The following UBE3A variants were observed in gnomAD, a reference collection of about 807,000 sequenced individuals.
UBE3A encodes ubiquitin-protein ligase E3A.
A neutral mutation model predicts 83.4 loss-of-function variants in UBE3A; 6 were observed. The observed-to-expected ratio is 0.07, with a 90% CI of 0.04 to 0.14. The LOEUF is 0.14. UBE3A is among the 10% of genes least tolerant of loss of function. The pLI, the probability that UBE3A is intolerant of heterozygous loss-of-function variation, is 1.00. For missense variants in UBE3A, 456 were observed against 1,036.1 expected (o/e 0.44, Z 7.69); for synonymous variants, 337 against 355.4 (o/e 0.95, Z 0.58).
At chr15:25,418,124 T>C (rs1171997697) in intron 1 of UBE3A, 2 of 152,120 alleles carry the variant, frequency 1.3e-5, no homozygotes, top group Non-Finnish European at 2.9e-5. Context: ...AAAGTGTAAG[T>C]ATTTATACAT....
intron 7 of UBE3A, 115 bp downstream of exon 7, chr15:25,360,268 T>TA (rs1595653908): frequency 7.1e-7 from 1 of 1,414,426 alleles, no homozygotes; most frequent in East Asian, 2.4e-5. Flanking sequence ...GGGTAATCCA[T>TA]ACCAAATCCT....
At chr15:25,415,042 A>G (rs2090620061) in intron 1 of UBE3A, among the ~76,000 whole-genome samples, 1 of 152,154 alleles carries the variant, frequency 6.6e-6, no homozygotes, top group African/African-American at 2.4e-5. Context: ...TTCAAACCCT[A>G]ATTTGTCTGA....
rs114179747 is a variant in UBE3A at position 25,388,389 on chromosome 15, T to C, written c.63-12626A>G. Reference sequence around the variant, plus strand: ...AAAAATCACATGACCATACCATAGATGGAGAGAAGTATGTGACAAAATTTA... The same window carrying C: ...AAAAATCACATGACCATACCATAGACGGAGAGAAGTATGTGACAAAATTTA... On this transcript the variant is annotated intron_variant, in intron 4 of 12. Transcript: ENST00000648336. Among the ~76,000 whole-genome samples the C allele has an allele frequency of 7.2e-3, 1,095 of 152,222 alleles. 13 individuals carry two copies. The highest frequency in any genetic ancestry group is 0.025 in the African/African-American group (1,042 of 41,534).
intron 4 of UBE3A, among the ~76,000 whole-genome samples, chr15:25,386,401 T>C (rs140206537): frequency 1.4e-4 from 21 of 152,198 alleles, no homozygotes; most frequent in African/African-American, 4.1e-4. Flanking sequence ...ATTATCAAAC[T>C]TGGAATCTAA....
At chr15:25,422,829 A>AC (rs1358000015) in intron 1 of UBE3A, among the ~76,000 whole-genome samples, 1 of 136,190 alleles carries the variant, frequency 7.3e-6, no homozygotes, top group East Asian at 2.1e-4. Context: ...AAAAAAAAAA[A>AC]CCAACCAACC....
chr15:25,340,639 C>T (rs1392061306), intron 11 of UBE3A, among the ~76,000 whole-genome samples: 1 of 151,948 alleles, frequency 6.6e-6, no homozygotes, highest in Non-Finnish European at 1.5e-5. Flanking sequence ...TTTATTTATC[C>T]TTTCTCCTTT....
intron 1 of UBE3A, among the ~76,000 whole-genome samples, chr15:25,420,965 T>C (rs370855973): frequency 4.6e-5 from 7 of 152,218 alleles, no homozygotes; most frequent in South Asian, 2.1e-4. Context: ...CAATGAAATA[T>C]TACTCAACCT....
chr15:25,348,859 A>G (rs1294529327), intron 11 of UBE3A, among the ~76,000 whole-genome samples: 2 of 152,240 alleles, frequency 1.3e-5, no homozygotes, highest in Non-Finnish European at 2.9e-5. Flanking sequence ...GGAAGAATAT[A>G]TTGTTAAAAT....
chr15:25,427,302 G>GA (rs1268324136), intron 1 of UBE3A, among the ~76,000 whole-genome samples: 1 of 151,852 alleles, frequency 6.6e-6, no homozygotes, highest in Non-Finnish European at 1.5e-5. Context: ...AGTGCAAAAA[G>GA]AAAGACTCTC....
chr15:25,416,644 A>G (rs1886988679), intron 1 of UBE3A, among the ~76,000 whole-genome samples: 1 of 96,618 alleles, frequency 1.0e-5, no homozygotes, highest in Admixed American at 8.9e-5. Flanking sequence ...AAACATTCTA[A>G]AAAAAAAAAA....
chr15:25,367,265 G>GCAAA (rs1271546602), intron 6 of UBE3A, among the ~76,000 whole-genome samples: 17 of 106,890 alleles, frequency 1.6e-4, no homozygotes, highest in Non-Finnish European at 1.7e-4. Context: ...TTGTAAATAT[G>GCAAA]TAAATATTTA....
intron 11 of UBE3A, chr15:25,346,379 A>G (rs528771614): frequency 1.3e-5 from 2 of 152,404 alleles, no homozygotes; most frequent in East Asian, 3.9e-4. Context: ...GCTCACAAAT[A>G]TATGCTAGTA....
At chr15:25,409,644 T>C (rs1423641574) in intron 2 of UBE3A, among the ~76,000 whole-genome samples, 1 of 152,178 alleles carries the variant, frequency 6.6e-6, no homozygotes. Flanking sequence ...GGATGGATTT[T>C]TTTGTTTGTT....
intron 1 of UBE3A, chr15:25,422,091 T>C (rs1169741158): frequency 6.6e-6 from 1 of 152,240 alleles, no homozygotes; most frequent in Non-Finnish European, 1.5e-5. Flanking sequence ...ATAGTCATAT[T>C]GTATTTAAAA....
chr15:25,372,905 A>G (rs2080530990), intron 5 of UBE3A, among the ~76,000 whole-genome samples: 1 of 151,622 alleles, frequency 6.6e-6, no homozygotes, highest in Admixed American at 6.6e-5. Context: ...GCTATAATAT[A>G]TGTTTCACAA....
intron 4 of UBE3A, among the ~76,000 whole-genome samples, chr15:25,381,321 A>G (rs934185860): frequency 5.3e-5 from 8 of 152,218 alleles, no homozygotes; most frequent in African/African-American, 1.7e-4. Flanking sequence ...AATGAATACA[A>G]GCACTAAGAA....
chr15:25,340,502 G>A (rs1038876570), intron 11 of UBE3A, among the ~76,000 whole-genome samples: 1 of 152,198 alleles, frequency 6.6e-6, no homozygotes, highest in South Asian at 2.1e-4. Flanking sequence ...AACAGGAAGT[G>A]ACTATTTAAA....
chr15:25,376,768 A>ATATTTAATT (rs1566980475), intron 4 of UBE3A, among the ~76,000 whole-genome samples: 3 of 152,214 alleles, frequency 2.0e-5, no homozygotes, highest in African/African-American at 2.4e-5. Flanking sequence ...GAATATTTTA[A>ATATTTAATT]GTTCCATCAC....
chr15:25,359,418 CGT>C (rs60677664), intron 7 of UBE3A, among the ~76,000 whole-genome samples: 25,497 of 138,650 alleles, frequency 0.18, 2,381 homozygotes, highest in East Asian at 0.32. Flanking sequence ...ATAAGGGATG[CGT>C]GTGTGTGTGT....
Sources: allele counts gnomAD v4.1 joint callset (sites outside exome capture counted in the v4.1 genomes callset), GRCh38; gene constraint gnomAD v4.1.1; transcripts MANE v1.5; gene names NCBI Gene and HGNC (gene_info 2026-07-23, HGNC 2026-07-21).